DNAH3: variants seen among roughly 807,000 people sequenced by gnomAD.
The protein encoded by DNAH3 is axonemal beta dynein heavy chain 3.
In DNAH3, 332 loss-of-function variants were observed where a neutral mutation model predicts 432.5. The observed-to-expected ratio is 0.77, with a 90% CI of 0.70 to 0.84. The LOEUF is 0.84. Among genes scored for constraint, DNAH3 ranks in the 40% least tolerant of loss-of-function variants. The probability of loss-of-function intolerance (pLI) is 0.00; values close to 1 mark genes in which losing one functional copy is unlikely to be tolerated. For synonymous variants in DNAH3, 1,956 were observed against 1,900.2 expected, an observed-to-expected ratio of 1.03 and a Z score of -0.76; for missense variants, 4,861 against 5,114.0, an observed-to-expected ratio of 0.95 and a Z score of 1.51.
intron 31 of DNAH3, among the ~76,000 whole-genome samples, chr16:21,048,643 C>T (rs866535921): frequency 4.0e-4 from 61 of 152,202 alleles, no homozygotes; most frequent in African/African-American, 1.4e-3. Context: ...TCTTCTTCGT[C>T]GCTCACGCTG....
At chr16:21,039,815 G>A (rs907940661) in intron 33 of DNAH3, 37 bp downstream of exon 33, 1 of 1,464,504 alleles carries the variant, frequency 6.8e-7, no homozygotes, top group Non-Finnish European at 9.6e-7. Flanking sequence ...GCTATTTAAA[G>A]TCCTTTAGAA....
chr16:20,969,270 CTGTGTGCATGCA>C (rs1567550534), intron 52 of DNAH3, among the ~76,000 whole-genome samples: 1 of 151,150 alleles, frequency 6.6e-6, no homozygotes, highest in African/African-American at 2.4e-5. Context: ...GTGCATGTCT[CTGTGTGCATGCA>C]TGTGTGTGCA....
chr16:21,107,455 G>A (rs2091974545), intron 14 of DNAH3, among the ~76,000 whole-genome samples: 2 of 152,004 alleles, frequency 1.3e-5, no homozygotes, highest in South Asian at 2.1e-4. Context: ...GGCCAGGCTG[G>A]TCTTGAACTC....
chr16:21,059,372 A>T (rs1050431831), intron 26 of DNAH3, among the ~76,000 whole-genome samples: 3 of 152,182 alleles, frequency 2.0e-5, no homozygotes, highest in Non-Finnish European at 4.4e-5. Context: ...TTCATTTTAC[A>T]ATGCAAATAC....
At chr16:20,944,654 C>A (rs148278176) in exon 58 of DNAH3, 4 of 1,613,860 alleles carry the variant, frequency 2.5e-6, no homozygotes, top group South Asian at 2.2e-5. Flanking sequence ...CTGAGATAGT[C>A]GATATAGGAC....
chr16:21,094,146 T>C (rs748646755), intron 18 of DNAH3, among the ~76,000 whole-genome samples: 11 of 152,030 alleles, frequency 7.2e-5, no homozygotes, highest in Non-Finnish European at 1.5e-4. Flanking sequence ...GAGAAAATAT[T>C]TGTAAATCAC....
At chr16:20,941,340 C>A (rs2083800203) in intron 59 of DNAH3, 61 bp downstream of exon 59, 1 of 1,601,898 alleles carries the variant, frequency 6.2e-7, no homozygotes, top group Non-Finnish European at 8.5e-7. Flanking sequence ...CAGCTACTGC[C>A]TGTTAGATCC....
intron 35 of DNAH3, among the ~76,000 whole-genome samples, chr16:21,035,241 C>T (rs934946967): frequency 2.0e-5 from 3 of 152,126 alleles, no homozygotes; most frequent in Admixed American, 2.0e-4. Flanking sequence ...GCAGCAGAAT[C>T]GCTTGAGCCT....
At chr16:21,092,849 T>A (rs6497525) in intron 18 of DNAH3, among the ~76,000 whole-genome samples, 28 of 151,412 alleles carry the variant, frequency 1.8e-4, no homozygotes, top group Non-Finnish European at 8.8e-5. Context: ...TAAGAAGATA[T>A]ACAAGAGGTG....
At chr16:21,059,434 G>T (rs1319223250) in intron 26 of DNAH3, among the ~76,000 whole-genome samples, 2 of 152,188 alleles carry the variant, frequency 1.3e-5, no homozygotes. Context: ...TGAGGGTGTT[G>T]AGTATTGCTT....
chr16:20,964,461 G>C, exon 53 of DNAH3: 1 of 1,614,208 alleles, frequency 6.2e-7, no homozygotes, highest in Non-Finnish European at 8.5e-7. Flanking sequence ...CCTTGAGCAA[G>C]ATAGGTTCGA....
chr16:21,106,357 T>C (rs750083091), intron 15 of DNAH3, 133 bp downstream of exon 15: 19 of 776,456 alleles, frequency 2.4e-5, no homozygotes, highest in Non-Finnish European at 3.1e-5. Flanking sequence ...AGAATTCATA[T>C]AACTATCCTT....
exon 10 of DNAH3, chr16:21,122,000 T>C (rs2092353488): frequency 1.2e-6 from 2 of 1,613,964 alleles, no homozygotes; most frequent in Non-Finnish European, 1.7e-6. Context: ...ACGTATTAAT[T>C]CCCAGCAGCC....
intron 18 of DNAH3, among the ~76,000 whole-genome samples, chr16:21,096,067 G>T (rs1189387904): frequency 6.6e-6 from 1 of 151,896 alleles, no homozygotes; most frequent in Non-Finnish European, 1.5e-5. Flanking sequence ...ACCATGACTG[G>T]CTTTCTTGTG....
intron 44 of DNAH3, among the ~76,000 whole-genome samples, chr16:20,991,606 T>C (rs1327449310): frequency 6.6e-6 from 1 of 152,184 alleles, no homozygotes; most frequent in East Asian, 1.9e-4. Context: ...TATAGTTTTT[T>C]CCCTCCATTC....
chr16:20,986,181 T>G (rs73534341), intron 47 of DNAH3, among the ~76,000 whole-genome samples: 1 of 151,264 alleles, frequency 6.6e-6, no homozygotes, highest in Non-Finnish European at 1.5e-5. Context: ...TTAAACATAA[T>G]ATGTGGATTT....
intron 41 of DNAH3, among the ~76,000 whole-genome samples, chr16:21,012,993 T>A (rs2087679670): frequency 6.6e-6 from 1 of 152,106 alleles, no homozygotes; most frequent in Admixed American, 6.6e-5. Context: ...CTCAAACTCC[T>A]GTGCTCAAGG....
chr16:21,039,844 T>C lies in DNAH3; in HGVS notation c.4730+8A>G, dbSNP rs747621532. 8.7e-6 allele frequency: 14 copies of C among 1,602,566 alleles called. No homozygotes were observed. Among genetic ancestry groups the C allele is most frequent in the African/African-American group, 1.3e-5 (1 of 74,560 alleles). Reference sequence around the variant, plus strand: ...TTTAGAATGCACTGGAAAACCCATGTAACACACCTTCTGGAGTCCAGAAAC... The same window carrying C: ...TTTAGAATGCACTGGAAAACCCATGCAACACACCTTCTGGAGTCCAGAAAC... On this transcript the variant is annotated splice_region_variant and intron_variant, in intron 33 of 61. Transcript: ENST00000261383.
Position 21,072,321 on chromosome 16 carries a change from TGC to T in DNAH3, c.3085-1497_3085-1496del, listed in dbSNP as rs143841023. ...CAGGTTGGTTACATATGTATACATG[TGC>T]CATGTATTTATTTATTTATTTTTGA... On this transcript the variant is annotated intron_variant, in intron 21 of 61. Coordinates refer to ENST00000261383, the Ensembl canonical transcript of DNAH3. Among the ~76,000 whole-genome samples the T allele has an allele frequency of 4.7e-3, 713 of 152,308 alleles. 9 individuals are homozygous for T. The highest frequency in any genetic ancestry group is 0.016 in the African/African-American group (669 of 41,574).
Sources: allele counts gnomAD v4.1 joint callset (sites outside exome capture counted in the v4.1 genomes callset), GRCh38; gene constraint gnomAD v4.1.1; transcripts MANE v1.5; gene names NCBI Gene and HGNC (gene_info 2026-07-23, HGNC 2026-07-21).